Variants in MAPK10 observed in about 807,000 individuals in gnomAD.
MAPK10 encodes mitogen-activated protein kinase 10, also known as JNK3 alpha protein kinase.
MAPK10 carries 25 observed loss-of-function variants against 59.3 expected under a neutral mutation model. The ratio of observed to expected loss-of-function variants is 0.42; its 90% CI spans 0.31 to 0.59. The LOEUF (loss-of-function observed/expected upper bound fraction) is 0.59. MAPK10 is among the 20% of genes least tolerant of loss of function. The pLI is 0.15. For missense variants in MAPK10, 351 were observed against 568.9 expected, an observed-to-expected ratio of 0.62 and a Z score of 3.90; for synonymous variants, 190 against 200.5, an observed-to-expected ratio of 0.95 and a Z score of 0.44.
At chr4:86,294,312 T>C (rs2095303239) in intron 2 of MAPK10, among the ~76,000 whole-genome samples, 1 of 152,188 alleles carries the variant, frequency 6.6e-6, no homozygotes, top group Non-Finnish European at 1.5e-5. Context: ...TCCTTGCCCC[T>C]AGGTTTACTT....
At chr4:86,515,455 G>C (rs1353227734) in intron 1 of MAPK10, among the ~76,000 whole-genome samples, 1 of 152,096 alleles carries the variant, frequency 6.6e-6, no homozygotes, top group African/African-American at 2.4e-5. Flanking sequence ...CCCACCATCA[G>C]TGTAAAACTG....
chr4:86,246,200 G>A (rs1176035007), intron 2 of MAPK10, among the ~76,000 whole-genome samples: 2 of 152,216 alleles, frequency 1.3e-5, no homozygotes, highest in East Asian at 1.9e-4. Flanking sequence ...GGGAGGCCGA[G>A]GTGGACAGAT....
At chr4:86,296,938 T>C (rs2095374550) in intron 2 of MAPK10, among the ~76,000 whole-genome samples, 1 of 152,216 alleles carries the variant, frequency 6.6e-6, no homozygotes, top group Non-Finnish European at 1.5e-5. Flanking sequence ...GATCCATCTG[T>C]TCACTTGCTA....
rs564465901 is a variant in MAPK10 at position 86,051,870 on chromosome 4, G to A, written c.1110+12396C>T. Among the ~76,000 whole-genome samples the A allele has an allele frequency of 8.9e-4, 136 of 152,056 alleles. 1 individual carries two copies. The highest frequency in any genetic ancestry group is 1.4e-3 in the East Asian group (7 of 5,172). Reference sequence around the variant, plus strand: ...ACAAAGAAACAAACAAAAATCTTTGGAGACAAACATGGCAGAGGAAAATAA... The same window carrying A: ...ACAAAGAAACAAACAAAAATCTTTGAAGACAAACATGGCAGAGGAAAATAA... On this transcript the variant is annotated intron_variant, in intron 11 of 13. Coordinates refer to ENST00000641462, the MANE Select transcript of MAPK10 (RefSeq NM_138982.4).
chr4:86,057,256 T>C (rs1332946483), intron 11 of MAPK10, among the ~76,000 whole-genome samples: 1 of 150,076 alleles, frequency 6.7e-6, no homozygotes, highest in Non-Finnish European at 1.5e-5. Context: ...CATTATTTTA[T>C]ATTCAGTCAA....
chr4:86,068,630 A>G (rs1464055560), intron 9 of MAPK10, among the ~76,000 whole-genome samples: 3 of 152,184 alleles, frequency 2.0e-5, no homozygotes, highest in Non-Finnish European at 1.5e-5. Context: ...ATAAGGGTGA[A>G]CAGAGGAATA....
chr4:86,488,599 T>A (rs1035859571), intron 1 of MAPK10, among the ~76,000 whole-genome samples: 2 of 152,214 alleles, frequency 1.3e-5, no homozygotes, highest in Non-Finnish European at 2.9e-5. Flanking sequence ...GTTTTTCCCT[T>A]TCCCAGTGAT....
intron 7 of MAPK10, among the ~76,000 whole-genome samples, chr4:86,101,594 T>A (rs189366671): frequency 2.6e-5 from 4 of 152,254 alleles, no homozygotes; most frequent in Admixed American, 2.6e-4. Context: ...GCCAGAAACA[T>A]CTATGGAAAT....
intron 1 of MAPK10, among the ~76,000 whole-genome samples, chr4:86,512,467 A>C (rs1756353261): frequency 6.6e-6 from 1 of 152,170 alleles, no homozygotes; most frequent in African/African-American, 2.4e-5. Context: ...AGGCCCCAAA[A>C]ACCTTAAGAT....
chr4:86,410,151 G>C (rs945287378), intron 1 of MAPK10, among the ~76,000 whole-genome samples: 1 of 152,174 alleles, frequency 6.6e-6, no homozygotes, highest in African/African-American at 2.4e-5. Flanking sequence ...TGCATCTATT[G>C]AGATAATCAT....
intron 2 of MAPK10, among the ~76,000 whole-genome samples, chr4:86,200,011 AG>A (rs2082260510): frequency 6.6e-6 from 1 of 152,046 alleles, no homozygotes; most frequent in South Asian, 2.1e-4. Flanking sequence ...AATTCTCTAT[AG>A]GAAAAAAATA....
upstream of MAPK10, among the ~76,000 whole-genome samples, chr4:86,456,677 CAAAA>C (rs966475332): frequency 6.6e-6 from 1 of 151,480 alleles, no homozygotes; most frequent in Non-Finnish European, 1.5e-5. Flanking sequence ...AAATTACCAA[CAAAA>C]AAAAGTCCGG....
At chr4:86,291,075 C>T (rs901690132) in intron 2 of MAPK10, among the ~76,000 whole-genome samples, 6 of 152,198 alleles carry the variant, frequency 3.9e-5, no homozygotes, top group Non-Finnish European at 7.4e-5. Context: ...TAGACAAGAC[C>T]ACTAGAAGTC....
chr4:86,568,315 A>G (rs1386890177), intron 1 of MAPK10, among the ~76,000 whole-genome samples: 1 of 152,208 alleles, frequency 6.6e-6, no homozygotes. Context: ...AAATGGAAAA[A>G]TATCAAATGG....
At chr4:86,394,081 G>T (rs1742598594) in intron 1 of MAPK10, among the ~76,000 whole-genome samples, 3 of 152,042 alleles carry the variant, frequency 2.0e-5, no homozygotes, top group Admixed American at 1.3e-4. Flanking sequence ...GACCAGCCTG[G>T]CCAACATAGT....
intron 1 of MAPK10, among the ~76,000 whole-genome samples, chr4:86,369,781 G>T (rs1738474840): frequency 6.6e-6 from 1 of 152,180 alleles, no homozygotes; most frequent in African/African-American, 2.4e-5. Context: ...ATGAGTGCAA[G>T]ATAATTAAAA....
At chr4:86,081,154 T>G (rs2050572568) in intron 9 of MAPK10, 1 of 151,954 alleles carries the variant, frequency 6.6e-6, no homozygotes, top group Non-Finnish European at 1.5e-5. Flanking sequence ...AGAGACAGAA[T>G]TATAGATCTG....
At chr4:86,055,702 T>TA (rs1353414572) in intron 11 of MAPK10, among the ~76,000 whole-genome samples, 1 of 149,874 alleles carries the variant, frequency 6.7e-6, no homozygotes, top group Non-Finnish European at 1.5e-5. Context: ...AATGTTTTTT[T>TA]AAAAGAGCTT....
chr4:86,305,853 A>C (rs978032545), intron 2 of MAPK10, among the ~76,000 whole-genome samples: 1 of 151,656 alleles, frequency 6.6e-6, no homozygotes, highest in African/African-American at 2.4e-5. Flanking sequence ...ACAGACAATC[A>C]CTTTCTTTTT....
Sources: gnomAD v4.1 joint callset for allele counts (sites outside exome capture counted in the v4.1 genomes callset) on GRCh38, gnomAD v4.1.1 for gene constraint, MANE v1.5 for transcripts, NCBI Gene and HGNC (gene_info 2026-07-23, HGNC 2026-07-21) for gene names.